The following SEC22C variants were observed in gnomAD, a reference collection of about 807,000 sequenced individuals.
SEC22C encodes the protein vesicle-trafficking protein SEC22c.
A neutral mutation model predicts 34.7 loss-of-function variants in SEC22C; 29 were observed. That is an observed-to-expected ratio of 0.84 (90% confidence interval 0.62 to 1.14). SEC22C has a LOEUF of 1.14. Ranked by LOEUF, SEC22C falls within the 50% of genes most tolerant of loss-of-function variation. The probability of loss-of-function intolerance (pLI) is 0.00; values close to 1 mark genes in which losing one functional copy is unlikely to be tolerated. For missense variants in SEC22C, 337 were observed against 369.0 expected (o/e 0.91, Z 0.71); for synonymous variants, 117 against 132.8 (o/e 0.88, Z 0.82).
At chr3:42,562,685 G>A (rs1210434837) in intron 3 of SEC22C, among the ~76,000 whole-genome samples, 1 of 152,164 alleles carries the variant, frequency 6.6e-6, no homozygotes, top group African/African-American at 2.4e-5. Context: ...TTTACACGGA[G>A]AGCACAGACT....
Position 42,552,647 on chromosome 3 carries a change from G to T in SEC22C, c.*601C>A. 1.0e-6 allele frequency: 1 copy of T among 983,844 alleles called. No homozygotes were observed. Among genetic ancestry groups the T allele is most frequent in the Non-Finnish European group, 1.2e-6 (1 of 828,600 alleles). 60.9% of individuals were successfully genotyped at this position (983,844 alleles called of 1,614,324 possible). ...TTAACCATTTTCTCAGCTTAAGTTT[G>T]CCCTCACCCTAAATGAAGTCCAATT... On this transcript the variant is annotated 3_prime_UTR_variant, in exon 7 of 7. Coordinates refer to ENST00000264454, the MANE Select transcript of SEC22C (RefSeq NM_032970.4).
intron 1 of SEC22C, chr3:42,580,481 TAG>T (rs1209902791): frequency 6.6e-6 from 1 of 152,302 alleles, no homozygotes; most frequent in East Asian, 1.9e-4. Flanking sequence ...ACCAAATCTG[TAG>T]ATTCTATTAA....
intron 4 of SEC22C, among the ~76,000 whole-genome samples, chr3:42,559,131 G>A (rs1702723986): frequency 6.6e-6 from 1 of 152,138 alleles, no homozygotes; most frequent in Admixed American, 6.5e-5. Context: ...ACAATTAAAT[G>A]GTGTCCCTCC....
At chr3:42,570,278 G>T (rs1703537184) in intron 1 of SEC22C, among the ~76,000 whole-genome samples, 1 of 152,130 alleles carries the variant, frequency 6.6e-6, no homozygotes, top group African/African-American at 2.4e-5. Flanking sequence ...GCAAATCAAA[G>T]ACTGTCTCAA....
rs1577324443 is a variant in SEC22C, at chr3:42,566,904, T to A, written c.182+1961A>T. 5 of 265,490 alleles carry A rather than the reference T, an allele frequency of 1.9e-5. No homozygotes were observed. In the East Asian group the frequency reaches 5.5e-4, roughly 29 times the overall value. 16.4% of individuals were successfully genotyped at this position (265,490 alleles called of 1,614,324 possible). On this transcript the variant is annotated intron_variant, in intron 2 of 6. Coordinates refer to ENST00000264454, the MANE Select transcript of SEC22C (RefSeq NM_032970.4). Reference sequence around the variant, plus strand: ...ACTCAGCTACTTGGGAGGCTATCTATCAATCAATCAATCTATCCAATCTAC... The same window carrying A: ...ACTCAGCTACTTGGGAGGCTATCTAACAATCAATCAATCTATCCAATCTAC...
chr3:42,553,384 A>G lies in SEC22C; in HGVS notation c.776T>C (p.Ile259Thr). Reference sequence around the variant, plus strand: ...GTGCAGGTACATGTTGCCCAGGCAAATAAAGAGCAGCATAAGCACCACCTT... The same window carrying G: ...GTGCAGGTACATGTTGCCCAGGCAAGTAAAGAGCAGCATAAGCACCACCTT... ...TMKVVLMLLF[I>T]CLGNMYLHGL... Residue 259 changes from isoleucine (I) to threonine (T), a missense_variant, in exon 7 of 7, where the codon ATT becomes ACT. Coordinates refer to ENST00000264454, the MANE Select transcript of SEC22C (RefSeq NM_032970.4). The G allele has an allele frequency of 6.2e-7, 1 of 1,614,156 alleles. No individual in the cohort carries two copies. Among genetic ancestry groups the G allele is most frequent in the Non-Finnish European group, 8.5e-7 (1 of 1,180,018 alleles).
chr3:42,570,920 G>A (rs535127185), intron 1 of SEC22C, among the ~76,000 whole-genome samples: 1 of 152,132 alleles, frequency 6.6e-6, no homozygotes, highest in African/African-American at 2.4e-5. Context: ...CATAAGCCAA[G>A]ATATGAAGAC....
At chr3:42,561,581 G>T (rs918467756) in intron 3 of SEC22C, among the ~76,000 whole-genome samples, 1 of 152,052 alleles carries the variant, frequency 6.6e-6, no homozygotes, top group Non-Finnish European at 1.5e-5. Context: ...TAGAGACAAG[G>T]TCTCACTGTA....
chr3:42,594,454 A>G (rs777733881), intron 1 of SEC22C: 1 of 1,614,016 alleles, frequency 6.2e-7, no homozygotes, highest in Non-Finnish European at 8.5e-7. Flanking sequence ...AATCTCATTT[A>G]TTTGGCTACC....
intron 1 of SEC22C, among the ~76,000 whole-genome samples, chr3:42,570,061 C>G (rs763228153): frequency 4.6e-5 from 7 of 152,160 alleles, no homozygotes; most frequent in Admixed American, 1.3e-4. Flanking sequence ...TGACAGGATC[C>G]TCTACTATCA....
chr3:42,590,778 A>T, intron 1 of SEC22C: 1 of 1,037,794 alleles, frequency 9.6e-7, no homozygotes, highest in Non-Finnish European at 1.5e-6. Context: ...TCCAGTCACA[A>T]ATGACGTCCC....
At chr3:42,567,206 C>A (rs1343400187) in intron 2 of SEC22C, among the ~76,000 whole-genome samples, 1 of 152,112 alleles carries the variant, frequency 6.6e-6, no homozygotes, top group Non-Finnish European at 1.5e-5. Flanking sequence ...CCAGCTAAGA[C>A]CCTGTCTCTA....
intron 1 of SEC22C, among the ~76,000 whole-genome samples, chr3:42,578,347 G>A (rs559770685): frequency 2.6e-5 from 4 of 152,126 alleles, no homozygotes; most frequent in Admixed American, 6.5e-5. Context: ...ATCCTTTTAC[G>A]TAACATTCTT....
chr3:42,548,446 T>C lies in SEC22C; in HGVS notation c.*4802A>G. On this transcript the variant is annotated 3_prime_UTR_variant, in exon 7 of 7. Transcript: ENST00000264454. ...GCGCTTGTGGGCAACAGCTCTGCCA[T>C]CAATACACATGGGCAGATGTTTCCG... is the stretch of plus-strand genomic sequence containing the variant. The C allele has an allele frequency of 1.4e-6, 1 of 705,952 alleles. No homozygotes were observed. The highest frequency in any genetic ancestry group is 2.4e-6 in the Non-Finnish European group (1 of 414,230). The allele number at this position is 705,952 out of a possible 1,614,324, so 43.7% of individuals were successfully genotyped here. A position where few individuals can be genotyped will look rare whatever the true frequency, so the allele number is the denominator to read the frequency against.
chr3:42,581,532 C>T (rs950211859), intron 1 of SEC22C, among the ~76,000 whole-genome samples: 1 of 152,272 alleles, frequency 6.6e-6, no homozygotes, highest in Admixed American at 6.5e-5. Context: ...GTTAAAGAAA[C>T]AATCGTCCCC....
chr3:42,598,476 T>C (rs1378634811), intron 1 of SEC22C, among the ~76,000 whole-genome samples: 1 of 151,810 alleles, frequency 6.6e-6, no homozygotes, highest in East Asian at 1.9e-4. Flanking sequence ...TACAGGTGCC[T>C]GCCACCACGC....
In SEC22C at chr3:42,549,876, A is replaced by T; in HGVS notation, c.*3372T>A. On this transcript the variant is annotated 3_prime_UTR_variant, in exon 7 of 7. Transcript: ENST00000264454. The stretch of plus-strand genomic sequence containing the variant: ...AGAGTTCACAGAAAAGAGGGATGCA[A>T]GCCCAAAAAGCAAAAGCAGGAGCTT... 1 of 985,444 alleles carries T rather than the reference A, an allele frequency of 1.0e-6. No homozygotes were observed. The highest frequency in any genetic ancestry group is 1.2e-6 in the Non-Finnish European group (1 of 829,934). The allele number at this position is 985,444 out of a possible 1,614,324, so 61.0% of individuals were successfully genotyped here. A position where few individuals can be genotyped will look rare whatever the true frequency, so the allele number is the denominator to read the frequency against.
At chr3:42,555,582 A>T (rs891552578) in intron 6 of SEC22C, among the ~76,000 whole-genome samples, 13 of 152,238 alleles carry the variant, frequency 8.5e-5, no homozygotes, top group Non-Finnish European at 1.6e-4. Context: ...AGCACAAGGC[A>T]ATATCTTGCC....
chr3:42,548,501 T>C lies in SEC22C; in HGVS notation c.*4747A>G, dbSNP rs1577275722. 3 of 1,182,952 alleles carry C rather than the reference T, an allele frequency of 2.5e-6. No homozygotes were observed. Among genetic ancestry groups the C allele is most frequent in the East Asian group, 2.4e-5 (1 of 41,404 alleles). 73.3% of individuals were successfully genotyped at this position (1,182,952 alleles called of 1,614,324 possible). ...CAGCCATTCCCAGATTTCACTGACA[T>C]GCCCTTTTCCACAGGCTCCCTGCTG... On this transcript the variant is annotated 3_prime_UTR_variant, in exon 7 of 7. Transcript: ENST00000264454.
Sources: gnomAD v4.1 joint callset for allele counts (sites outside exome capture counted in the v4.1 genomes callset) on GRCh38, gnomAD v4.1.1 for gene constraint, MANE v1.5 for transcripts, NCBI Gene and HGNC (gene_info 2026-07-23, HGNC 2026-07-21) for gene names.